TMEM178B: variants seen among roughly 807,000 people sequenced by gnomAD.
The protein encoded by TMEM178B is transmembrane protein 178B.
Under a neutral mutation model 31.0 loss-of-function variants are expected in TMEM178B, and 5 were observed. The ratio of observed to expected loss-of-function variants is 0.16; its 90% confidence interval spans 0.08 to 0.34. The LOEUF (loss-of-function observed/expected upper bound fraction) is 0.34. Among genes scored for constraint, TMEM178B ranks in the 10% least tolerant of loss-of-function variants. The probability of loss-of-function intolerance (pLI) is 1.00; values close to 1 mark genes in which losing one functional copy is unlikely to be tolerated. For synonymous variants in TMEM178B, 164 were observed against 164.0 expected (o/e 1.00, Z 0.00); for missense variants, 275 against 400.3 (o/e 0.69, Z 2.67).
chr7:141,201,526 A>G (rs947552852), intron 1 of TMEM178B, among the ~76,000 whole-genome samples: 22 of 152,120 alleles, frequency 1.4e-4, no homozygotes, highest in African/African-American at 5.1e-4. Context: ...CAGGTTTTAC[A>G]TGGGTTATCT....
At chr7:141,170,575 G>T (rs1796332080) in intron 1 of TMEM178B, among the ~76,000 whole-genome samples, 1 of 152,142 alleles carries the variant, frequency 6.6e-6, no homozygotes, top group African/African-American at 2.4e-5. Flanking sequence ...ATGATACAAA[G>T]GTCAGCTGTT....
intron 3 of TMEM178B, among the ~76,000 whole-genome samples, chr7:141,450,870 C>T (rs553578491): frequency 1.1e-4 from 17 of 152,242 alleles, no homozygotes; most frequent in East Asian, 7.7e-4. Context: ...TGGAGTCATG[C>T]AGTTAAGTAA....
Position 141,435,704 on chromosome 7 carries a change from G to A in TMEM178B, c.497-1904G>A, listed in dbSNP as rs542706819. Among the ~76,000 whole-genome samples, 7 of 152,334 alleles carry A rather than the reference G, an allele frequency of 4.6e-5. No individual in the cohort carries two copies. The South Asian group carries it at 1.4e-3, about 32-fold the overall frequency. On this transcript the variant is annotated intron_variant, in intron 2 of 3. Transcript: ENST00000565468. ...TCACAAGCTCCTATTGTGATCAAAC[G>A]ATGGTTTCAGCAGTTCCATCTGACA...
At chr7:141,291,383 C>G (rs959427293) in intron 2 of TMEM178B, among the ~76,000 whole-genome samples, 3 of 152,010 alleles carry the variant, frequency 2.0e-5, no homozygotes, top group African/African-American at 7.3e-5. Flanking sequence ...GTCTGTTATT[C>G]TTAAGTAGGT....
Position 141,426,014 on chromosome 7 carries a change from G to C in TMEM178B, c.497-11594G>C, listed in dbSNP as rs549630353. On this transcript the variant is annotated intron_variant, in intron 2 of 3. Coordinates refer to ENST00000565468, the MANE Select transcript of TMEM178B (RefSeq NM_001195278.2). ...TGTGCTCATTAAACTTTATTGCTGT[G>C]TGTCATCTGGAATCTGGCCCCATGT... Among the ~76,000 whole-genome samples the C allele has an allele frequency of 6.6e-4, 101 of 152,290 alleles. 3 individuals are homozygous for C. In the South Asian group the frequency reaches 0.02, roughly 30 times the overall value.
intron 2 of TMEM178B, among the ~76,000 whole-genome samples, chr7:141,295,516 A>G (rs988472394): frequency 6.6e-6 from 1 of 152,140 alleles, no homozygotes; most frequent in African/African-American, 2.4e-5. Flanking sequence ...TCATGAGTGC[A>G]TTTAGCTCAG....
intron 2 of TMEM178B, among the ~76,000 whole-genome samples, chr7:141,337,255 A>G (rs1013387334): frequency 4.9e-4 from 45 of 91,174 alleles, no homozygotes; most frequent in Admixed American, 3.4e-4. Flanking sequence ...CCATGATCAC[A>G]TCATCACCAC....
chr7:141,288,095 G>T (rs559736887), intron 2 of TMEM178B, among the ~76,000 whole-genome samples: 1 of 152,090 alleles, frequency 6.6e-6, no homozygotes, highest in African/African-American at 2.4e-5. Flanking sequence ...GTGCCCGTGC[G>T]GTTGGGGACC....
intron 2 of TMEM178B, among the ~76,000 whole-genome samples, chr7:141,333,130 A>T (rs895611140): frequency 6.6e-6 from 1 of 152,214 alleles, no homozygotes; most frequent in Admixed American, 6.5e-5. Context: ...TCTCAATGAC[A>T]TCTCAGTGAA....
At chr7:141,441,219 A>G (rs549659375) in intron 3 of TMEM178B, among the ~76,000 whole-genome samples, 1 of 152,326 alleles carries the variant, frequency 6.6e-6, no homozygotes, top group East Asian at 1.9e-4. Context: ...AGCCTGGGGC[A>G]TCAACCCAAA....
At chr7:141,325,833 A>T (rs2116481980) in intron 2 of TMEM178B, among the ~76,000 whole-genome samples, 1 of 150,806 alleles carries the variant, frequency 6.6e-6, no homozygotes, top group South Asian at 2.1e-4. Flanking sequence ...GAAAAAAAAA[A>T]GTCTGATTCT....
chr7:141,418,290 A>G (rs1272056447), intron 2 of TMEM178B, among the ~76,000 whole-genome samples: 1 of 151,828 alleles, frequency 6.6e-6, no homozygotes, highest in Non-Finnish European at 1.5e-5. Context: ...TCACTTCCTT[A>G]CCTCCCACTC....
At chr7:141,265,660 G>T (rs947928358) in intron 2 of TMEM178B, among the ~76,000 whole-genome samples, 1 of 152,144 alleles carries the variant, frequency 6.6e-6, no homozygotes, top group Non-Finnish European at 1.5e-5. Context: ...GTTAGGTGGG[G>T]CACGTCTCTT....
At chr7:141,176,138 G>T (rs1796429944) in intron 1 of TMEM178B, among the ~76,000 whole-genome samples, 2 of 152,038 alleles carry the variant, frequency 1.3e-5, no homozygotes, top group Non-Finnish European at 2.9e-5. Flanking sequence ...TTCCATCAAT[G>T]CCCAGTTTAT....
rs372056832 is a variant in TMEM178B, at chr7:141,198,750, T to C, written c.383-13841T>C. Among the ~76,000 whole-genome samples the C allele has an allele frequency of 1.4e-4, 22 of 152,322 alleles. 1 individual carries two copies. Among genetic ancestry groups the C allele is most frequent in the African/African-American group, 5.3e-4 (22 of 41,578 alleles). Reference sequence around the variant, plus strand: ...TTGTTTTCCAGTGAAAAACCAGATCTGGTCTCCTTCTCGCCTCGTTTGTCT... The same window carrying C: ...TTGTTTTCCAGTGAAAAACCAGATCCGGTCTCCTTCTCGCCTCGTTTGTCT... On this transcript the variant is annotated intron_variant, in intron 1 of 3. Transcript: ENST00000565468.
the TMEM178B span, among the ~76,000 whole-genome samples, chr7:141,503,721 C>T: frequency 1.3e-5 from 2 of 152,264 alleles, no homozygotes; most frequent in African/African-American, 4.8e-5. Flanking sequence ...TATTTGCTAC[C>T]TTTCTGCTGT....
At chr7:141,199,634 T>A (rs1176746231) in intron 1 of TMEM178B, among the ~76,000 whole-genome samples, 2 of 152,192 alleles carry the variant, frequency 1.3e-5, no homozygotes, top group African/African-American at 2.4e-5. Context: ...TCACTTAGGC[T>A]GGAGTGCCAT....
chr7:141,510,685 C>CAAAAAAA, the TMEM178B span, among the ~76,000 whole-genome samples: 233 of 24,966 alleles, frequency 9.3e-3, 20 homozygotes, highest in Admixed American at 0.012. Flanking sequence ...AACTCCGTCT[C>CAAAAAAA]AAAAAAAAAA....
At chr7:141,432,255 A>G (rs1030546313) in intron 2 of TMEM178B, among the ~76,000 whole-genome samples, 3 of 148,890 alleles carry the variant, frequency 2.0e-5, no homozygotes, top group Non-Finnish European at 4.4e-5. Flanking sequence ...CCTGGGTTCA[A>G]GCAATTCTCC....
Sources: gnomAD v4.1 joint callset for allele counts (sites outside exome capture counted in the v4.1 genomes callset) on GRCh38, gnomAD v4.1.1 for gene constraint, MANE v1.5 for transcripts, NCBI Gene and HGNC (gene_info 2026-07-23, HGNC 2026-07-21) for gene names.